The following PPP2R2C variants were observed in gnomAD, a reference collection of about 807,000 sequenced individuals.
PPP2R2C encodes protein phosphatase 2 regulatory subunit Bgamma.
A neutral mutation model predicts 45.3 loss-of-function variants in PPP2R2C; 10 were observed. The ratio of observed to expected loss-of-function variants is 0.22; its 90% confidence interval spans 0.14 to 0.37. The LOEUF (loss-of-function observed/expected upper bound fraction) is 0.37. Among genes scored for constraint, PPP2R2C ranks in the 10% least tolerant of loss-of-function variants. The pLI is 1.00. For missense variants in PPP2R2C, 308 were observed against 619.7 expected (o/e 0.50, Z 5.34); for synonymous variants, 257 against 245.4 (o/e 1.05, Z -0.44).
chr4:6,387,086 A>C (rs1292810221), intron 1 of PPP2R2C, among the ~76,000 whole-genome samples: 1 of 152,152 alleles, frequency 6.6e-6, no homozygotes, highest in Non-Finnish European at 1.5e-5. Context: ...TAAAAAGAAA[A>C]AGATCCTCAA....
chr4:6,513,389 G>A (rs959323953), intron 2 of PPP2R2C, among the ~76,000 whole-genome samples: 13 of 152,176 alleles, frequency 8.5e-5, no homozygotes, highest in Admixed American at 2.6e-4. Flanking sequence ...CATGGTCTCT[G>A]GGCAGAGGCA....
intron 6 of PPP2R2C, among the ~76,000 whole-genome samples, chr4:6,340,807 C>G (rs965988688): frequency 6.6e-5 from 10 of 152,266 alleles, no homozygotes; most frequent in Admixed American, 5.2e-4. Context: ...CAGAGGAAAC[C>G]CGAAGCTCTT....
rs141703313 is a variant in PPP2R2C at position 6,398,239 on chromosome 4, A to G, written c.71-17145T>C. On this transcript the variant is annotated intron_variant, in intron 1 of 8. Transcript: ENST00000382599. ...GACACAAAAAGCATGAAAAACAACA[A>G]AAAATGGACAAACTGAACTTTATCA... Among the ~76,000 whole-genome samples, 309 of 151,674 alleles carry G rather than the reference A, an allele frequency of 2.0e-3. 1 individual carries two copies. Among genetic ancestry groups the G allele is most frequent in the Non-Finnish European group, 3.1e-3 (214 of 67,982 alleles).
chr4:6,411,787 C>T lies in PPP2R2C; in HGVS notation c.71-30693G>A, dbSNP rs377361947. Among the ~76,000 whole-genome samples the T allele has an allele frequency of 8.5e-5, 13 of 152,112 alleles. No individual in the cohort carries two copies. In the East Asian group the frequency reaches 1.2e-3, roughly 14 times the overall value. On this transcript the variant is annotated intron_variant, in intron 1 of 8. Transcript: ENST00000382599. ...CAGGATGGTCTCAATCTCCTGACCT[C>T]GTGATCCGCCCACCTCGGCCTCCCA...
chr4:6,378,268 G>C lies in PPP2R2C; in HGVS notation c.334+139C>G. ...GCATACTCACTCATGGGATTTATAT[G>C]CTGCTCAAAAAGGATATTATTTTCT... is the stretch of plus-strand genomic sequence containing the variant. On this transcript the variant is annotated intron_variant, in intron 3 of 8. Coordinates refer to ENST00000382599, the MANE Select transcript of PPP2R2C (RefSeq NM_020416.4). This position sits in a 1 kb window ranked among gnomAD's most constrained non-coding sequence, Gnocchi z 5.2. 1 of 1,504,282 alleles carries C rather than the reference G, an allele frequency of 6.6e-7. No homozygotes were observed. Among genetic ancestry groups the C allele is most frequent in the Non-Finnish European group, 8.9e-7 (1 of 1,124,496 alleles). The allele number at this position is 1,504,282 out of a possible 1,614,324, so 93.2% of individuals were successfully genotyped here. A position where few individuals can be genotyped will look rare whatever the true frequency, so the allele number is the denominator to read the frequency against.
intron 1 of PPP2R2C, among the ~76,000 whole-genome samples, chr4:6,536,215 T>C (rs1045635374): frequency 6.6e-6 from 1 of 152,212 alleles, no homozygotes; most frequent in African/African-American, 2.4e-5. Flanking sequence ...AACATTGCTG[T>C]TTCAGGGGCA....
intron 1 of PPP2R2C, among the ~76,000 whole-genome samples, chr4:6,413,174 C>CACACTCACATTCACACGCTG (rs1718300450): frequency 6.6e-6 from 1 of 151,936 alleles, no homozygotes; most frequent in Non-Finnish European, 1.5e-5. Context: ...ATCACACGCT[C>CACACTCACATTCACACGCTG]TCACACTCAC....
At chr4:6,393,827 G>A (rs749490716) in intron 1 of PPP2R2C, among the ~76,000 whole-genome samples, 3 of 152,192 alleles carry the variant, frequency 2.0e-5, no homozygotes, top group Non-Finnish European at 2.9e-5. Flanking sequence ...AGCAGGATCC[G>A]GTCAAGCTGC....
intron 4 of PPP2R2C, among the ~76,000 whole-genome samples, chr4:6,373,192 C>A (rs1281395047): frequency 6.6e-6 from 1 of 152,222 alleles, no homozygotes; most frequent in Admixed American, 6.5e-5. Context: ...CCTTCCCCAC[C>A]TGGAAGGTGA....
At chr4:6,341,648 C>T (rs531020240) in intron 6 of PPP2R2C, among the ~76,000 whole-genome samples, 4 of 152,100 alleles carry the variant, frequency 2.6e-5, no homozygotes, top group South Asian at 2.1e-4. Context: ...CCTTGAGGTA[C>T]GGAGGTGACC....
intron 1 of PPP2R2C, among the ~76,000 whole-genome samples, chr4:6,464,580 G>A (rs1051747650): frequency 1.3e-5 from 2 of 152,228 alleles, no homozygotes; most frequent in African/African-American, 4.8e-5. Flanking sequence ...TCATTGGTAT[G>A]CAGACGTGAA....
intron 5 of PPP2R2C, among the ~76,000 whole-genome samples, chr4:6,369,110 G>A (rs780863263): frequency 9.2e-5 from 14 of 152,210 alleles, no homozygotes; most frequent in Non-Finnish European, 1.9e-4. Context: ...AGGGCAACCT[G>A]GAGAGAGGCT....
At chr4:6,516,063 T>A (rs992950305) in intron 2 of PPP2R2C, among the ~76,000 whole-genome samples, 2 of 152,238 alleles carry the variant, frequency 1.3e-5, no homozygotes, top group African/African-American at 4.8e-5. Context: ...CTCAACTAAC[T>A]ACATCTGCAA....
chr4:6,380,889 C>A, intron 2 of PPP2R2C, 108 bp downstream of exon 2: 1 of 1,422,160 alleles, frequency 7.0e-7, no homozygotes, highest in Non-Finnish European at 9.2e-7. Flanking sequence ...CACCTCTCAC[C>A]GCATCACCCC....
chr4:6,398,758 C>T (rs1279123486), intron 1 of PPP2R2C, among the ~76,000 whole-genome samples: 2 of 152,158 alleles, frequency 1.3e-5, no homozygotes, highest in Non-Finnish European at 1.5e-5. Context: ...CCAAGAGTCA[C>T]GAAAGCTCAC....
chr4:6,451,198 G>A (rs1302466956), intron 1 of PPP2R2C, among the ~76,000 whole-genome samples: 3 of 152,032 alleles, frequency 2.0e-5, no homozygotes, highest in African/African-American at 4.8e-5. Context: ...CTTGTCAATC[G>A]TACCCACAGC....
chr4:6,494,145 C>A (rs375613668), intron 2 of PPP2R2C, among the ~76,000 whole-genome samples: 1 of 152,218 alleles, frequency 6.6e-6, no homozygotes, highest in Non-Finnish European at 1.5e-5. Flanking sequence ...TCTGCTGACA[C>A]GGCTGGGGCA....
chr4:6,495,902 A>T (rs754608057), intron 2 of PPP2R2C, among the ~76,000 whole-genome samples: 8 of 152,314 alleles, frequency 5.3e-5, no homozygotes, highest in Non-Finnish European at 1.2e-4. Flanking sequence ...AGAGGGCTAA[A>T]ATCAAAATGT....
chr4:6,331,174 G>A lies in PPP2R2C; in HGVS notation c.961-1821C>T, dbSNP rs147168230. Reference sequence around the variant, plus strand: ...GCTCCCAGCAGCCTTGGTGATGCACGCGTCCAAATGCGCATGCTGTTCTCT... The same window carrying A: ...GCTCCCAGCAGCCTTGGTGATGCACACGTCCAAATGCGCATGCTGTTCTCT... On this transcript the variant is annotated intron_variant, in intron 7 of 8. Coordinates refer to ENST00000382599, the MANE Select transcript of PPP2R2C (RefSeq NM_020416.4). The surrounding 1 kb of genome is among the most constrained non-coding windows in gnomAD (Gnocchi z 5.9). 1.3e-5 allele frequency among the ~76,000 whole-genome samples: 2 copies of A among 152,190 alleles called. No homozygotes were observed. The highest frequency in any genetic ancestry group is 1.3e-4 in the Admixed American group (2 of 15,288).
Sources: gnomAD v4.1 joint callset for allele counts (sites outside exome capture counted in the v4.1 genomes callset) on GRCh38, gnomAD v4.1.1 for gene constraint, Gnocchi (gnomAD v3.1) non-coding constraint, MANE v1.5 for transcripts, NCBI Gene and HGNC (gene_info 2026-07-23, HGNC 2026-07-21) for gene names.